Variants in TCF4 observed in about 807,000 individuals in gnomAD.
The protein encoded by TCF4 is transcription factor 4.
In TCF4, 3 loss-of-function variants were observed where a neutral mutation model predicts 82.1. The observed-to-expected ratio is 0.04, with a 90% CI of 0.02 to 0.09. The LOEUF is 0.09. TCF4 is among the 10% of genes least tolerant of loss of function. The pLI is 1.00. For synonymous variants in TCF4, 276 were observed against 309.6 expected, an observed-to-expected ratio of 0.89 and a Z score of 1.14; for missense variants, 518 against 852.7, an observed-to-expected ratio of 0.61 and a Z score of 4.89.
intron 8 of TCF4, among the ~76,000 whole-genome samples, chr18:55,330,917 T>C (rs192142702): frequency 6.6e-6 from 1 of 152,308 alleles, no homozygotes; most frequent in East Asian, 1.9e-4. Context: ...TCTAAATCTG[T>C]TTCCTTATAA....
chr18:55,546,615 T>C (rs530804323), intron 3 of TCF4, among the ~76,000 whole-genome samples: 2 of 152,240 alleles, frequency 1.3e-5, no homozygotes, highest in South Asian at 4.2e-4. Context: ...CTGGAGAAGA[T>C]ATAAAGAAGG....
At chr18:55,605,451 T>G (rs1344607103) in intron 2 of TCF4, among the ~76,000 whole-genome samples, 1 of 152,192 alleles carries the variant, frequency 6.6e-6, no homozygotes, top group Non-Finnish European at 1.5e-5. Context: ...GTGGGCTGAT[T>G]AGACTCTGAG....
intron 3 of TCF4, among the ~76,000 whole-genome samples, chr18:55,544,773 A>G (rs2097191645): frequency 6.6e-6 from 1 of 152,142 alleles, no homozygotes; most frequent in African/African-American, 2.4e-5. Flanking sequence ...ATAATCTAAC[A>G]CTTTAAAGAA....
intron 9 of TCF4, among the ~76,000 whole-genome samples, chr18:55,278,941 C>T (rs940863203): frequency 6.6e-6 from 1 of 152,174 alleles, no homozygotes; most frequent in Non-Finnish European, 1.5e-5. Context: ...GGTGGGGGCA[C>T]ACATCCATGT....
At chr18:55,340,071 T>A (rs75613617) in intron 8 of TCF4, among the ~76,000 whole-genome samples, 6,384 of 152,186 alleles carry the variant, frequency 0.042, 175 homozygotes, top group African/African-American at 0.07. Flanking sequence ...TGCGGGGGGA[T>A]CTATAGCCAG....
intron 3 of TCF4, among the ~76,000 whole-genome samples, chr18:55,481,074 A>C (rs2096417023): frequency 1.4e-5 from 2 of 144,896 alleles, no homozygotes. Flanking sequence ...ACTGCACTCC[A>C]ACCTGGGCAA....
At chr18:55,313,864 T>C (rs932796264) in intron 8 of TCF4, among the ~76,000 whole-genome samples, 2 of 152,162 alleles carry the variant, frequency 1.3e-5, no homozygotes, top group African/African-American at 2.4e-5. Context: ...CTGGCTGATA[T>C]ATAAGTAGAA....
chr18:55,283,962 T>C (rs2063152145), intron 8 of TCF4, among the ~76,000 whole-genome samples: 1 of 152,180 alleles, frequency 6.6e-6, no homozygotes, highest in Non-Finnish European at 1.5e-5. Context: ...TGTGAACTGA[T>C]CATCAAAGTC....
At chr18:55,356,284 T>C (rs1356909065) in intron 6 of TCF4, among the ~76,000 whole-genome samples, 3 of 152,196 alleles carry the variant, frequency 2.0e-5, no homozygotes, top group Non-Finnish European at 4.4e-5. Flanking sequence ...GAAAAGTTAC[T>C]ATAAAAAGTT....
chr18:55,532,391 G>C (rs1023223628), intron 3 of TCF4, among the ~76,000 whole-genome samples: 2 of 152,176 alleles, frequency 1.3e-5, no homozygotes, highest in Non-Finnish European at 2.9e-5. Flanking sequence ...GTGGGCCCTT[G>C]GTGGCTCTTC....
intron 8 of TCF4, 73 bp downstream of exon 8, chr18:55,350,286 T>C (rs1181978532): frequency 4.8e-5 from 72 of 1,499,016 alleles, no homozygotes; most frequent in Non-Finnish European, 6.7e-5. Flanking sequence ...ACTCATTTAC[T>C]TCTATCTCCT....
intron 5 of TCF4, among the ~76,000 whole-genome samples, chr18:55,455,493 G>C (rs1042246980): frequency 6.8e-6 from 1 of 147,166 alleles, no homozygotes; most frequent in Admixed American, 6.8e-5. Flanking sequence ...CTTAAGAGTT[G>C]ATGTCGAGAT....
chr18:55,268,549 T>G (rs2145920497), intron 11 of TCF4: 1 of 152,238 alleles, frequency 6.6e-6, no homozygotes, highest in South Asian at 2.1e-4. Context: ...TCTCCTCAAT[T>G]TGCTTCTTAG....
chr18:55,544,768 C>T (rs2097191598), intron 3 of TCF4, among the ~76,000 whole-genome samples: 1 of 152,114 alleles, frequency 6.6e-6, no homozygotes, highest in Non-Finnish European at 1.5e-5. Context: ...GGTTCATAAT[C>T]TAACACTTTA....
chr18:55,609,908 ACC>A (rs1446807810), intron 2 of TCF4, among the ~76,000 whole-genome samples: 1 of 131,588 alleles, frequency 7.6e-6, no homozygotes, highest in Non-Finnish European at 1.7e-5. Context: ...TTCCACACTC[ACC>A]CCCTGTTTGT....
chr18:55,278,827 C>CA (rs11431446), intron 9 of TCF4, among the ~76,000 whole-genome samples: 141,605 of 152,236 alleles, frequency 0.93, 65,974 homozygotes, highest in East Asian at 1. Flanking sequence ...CTTGGCCTCC[C>CA]AAGTGTTGGG....
Position 55,260,044 on chromosome 18 carries a change from G to T in TCF4, c.991-17C>A. 7.0e-7 allele frequency: 1 copy of T among 1,433,620 alleles called. No homozygotes were observed. The allele number at this position is 1,433,620 out of a possible 1,614,324, so 88.8% of individuals were successfully genotyped here. ...AGAATAGATCTTAAAACAATAAGGA[G>T]AAAAAAAAAACACCCTCATTCATTA... is the stretch of plus-strand genomic sequence containing the variant. On this transcript the variant is annotated splice_polypyrimidine_tract_variant and intron_variant, in intron 12 of 19. Coordinates refer to ENST00000354452, the MANE Select transcript of TCF4 (RefSeq NM_001083962.2).
rs1568500248 is a variant in TCF4, at chr18:55,621,489, T to TTATATAATATATATTA, written c.286+9808_286+9809insTAATATATATTATATA. On this transcript the variant is annotated intron_variant, in intron 2 of 20. Coordinates refer to the TCF4 transcript ENST00000398339. ...AATATATATAAAAATATAATATATA[T>TTATATAATATATATTA]TATATAATGTACATTATATATATAT... 9.2e-3 allele frequency among the ~76,000 whole-genome samples: 14 copies of TTATATAATATATATTA among 1,516 alleles called. 1 individual carries two copies. The highest frequency in any genetic ancestry group is 0.022 in the Non-Finnish European group (13 of 600). The allele number at this position is 1,516 out of a possible 152,430, so 1.0% of individuals were successfully genotyped here.
chr18:55,464,194 T>G, intron 3 of TCF4, 57 bp from the exon 4 acceptor site: 2 of 1,434,044 alleles, frequency 1.4e-6, no homozygotes, highest in Non-Finnish European at 2.0e-6. Context: ...TCTTTTTGTA[T>G]ATGCACTTTC....
Sources: gnomAD v4.1 joint callset for allele counts (sites outside exome capture counted in the v4.1 genomes callset) on GRCh38, gnomAD v4.1.1 for gene constraint, MANE v1.5 for transcripts, NCBI Gene and HGNC (gene_info 2026-07-23, HGNC 2026-07-21) for gene names.